Variants in ANXA8 observed in about 807,000 individuals in gnomAD.
ANXA8 encodes annexin A8, also known as VAC-beta.
A neutral mutation model predicts 26.8 loss-of-function variants in ANXA8; 9 were observed. The ratio of observed to expected loss-of-function variants is 0.34; its 90% CI spans 0.20 to 0.59. ANXA8 has a LOEUF of 0.59. ANXA8 is among the 20% of genes least tolerant of loss of function. The pLI, the probability that ANXA8 is intolerant of heterozygous loss-of-function variation, is 0.84. For missense variants in ANXA8, 83 were observed against 238.5 expected (o/e 0.35, Z 4.29); for synonymous variants, 39 against 94.8 (o/e 0.41, Z 3.42).
chr10:47,633,863 G>A, the ANXA8 span, among the ~76,000 whole-genome samples: 3 of 147,668 alleles, frequency 2.0e-5, no homozygotes, highest in Non-Finnish European at 3.0e-5. Flanking sequence ...CCCAGTTAAT[G>A]TAGCTTAATT....
At chr10:47,699,014 C>T in the ANXA8 span, among the ~76,000 whole-genome samples, 1 of 151,712 alleles carries the variant, frequency 6.6e-6, no homozygotes, top group South Asian at 2.1e-4. Flanking sequence ...TGCAACTATT[C>T]ATCTTATACT....
chr10:47,652,842 A>G, the ANXA8 span, among the ~76,000 whole-genome samples: 2 of 148,850 alleles, frequency 1.3e-5, no homozygotes, highest in Non-Finnish European at 2.9e-5. Context: ...CAGCATATCA[A>G]TTGAAGGGTT....
chr10:47,656,425 C>T, the ANXA8 span, among the ~76,000 whole-genome samples: 1 of 147,434 alleles, frequency 6.8e-6, no homozygotes, highest in Non-Finnish European at 1.5e-5. Context: ...CAAAAAACAA[C>T]ATTTTATTTT....
the ANXA8 span, chr10:47,599,810 G>C: frequency 6.7e-6 from 1 of 149,826 alleles, no homozygotes; most frequent in African/African-American, 2.5e-5. Context: ...ACAATCTCAG[G>C]GGACGTTCAA....
chr10:47,522,288 G>C, the ANXA8 span, among the ~76,000 whole-genome samples: 1 of 145,210 alleles, frequency 6.9e-6, no homozygotes, highest in Admixed American at 6.9e-5. Flanking sequence ...CTCTCTTTTA[G>C]AACAAGGAGG....
the ANXA8 span, among the ~76,000 whole-genome samples, chr10:47,702,944 T>G: frequency 6.7e-6 from 1 of 150,010 alleles, no homozygotes; most frequent in South Asian, 2.1e-4. Flanking sequence ...AACATAGTTC[T>G]CTAATGAAAG....
chr10:47,587,168 C>T, the ANXA8 span, among the ~76,000 whole-genome samples: 17 of 145,144 alleles, frequency 1.2e-4, no homozygotes, highest in Admixed American at 6.8e-4. Context: ...CATGCCATTG[C>T]ACTCCAACCT....
At chr10:47,521,487 G>T in the ANXA8 span, among the ~76,000 whole-genome samples, 2 of 139,888 alleles carry the variant, frequency 1.4e-5, 1 homozygote, top group Non-Finnish European at 3.1e-5. Flanking sequence ...AAAATTAAGA[G>T]CCCAACCAAA....
chr10:47,902,133 T>A, the ANXA8 span, among the ~76,000 whole-genome samples: 2 of 151,902 alleles, frequency 1.3e-5, no homozygotes, highest in African/African-American at 4.8e-5. Context: ...CTTGGTAGCC[T>A]GTTAATATCA....
chr10:47,622,658 AG>A, the ANXA8 span, among the ~76,000 whole-genome samples: 1 of 90,524 alleles, frequency 1.1e-5, no homozygotes, highest in East Asian at 2.3e-4. Flanking sequence ...ACCTTGGTTT[AG>A]TCTAGTGCCT....
chr10:47,679,555 C>A, the ANXA8 span, among the ~76,000 whole-genome samples: 1 of 151,924 alleles, frequency 6.6e-6, no homozygotes, highest in Non-Finnish European at 1.5e-5. Flanking sequence ...GTCAAGGCTG[C>A]GGTAAGCCAT....
the ANXA8 span, among the ~76,000 whole-genome samples, chr10:47,655,851 T>A: frequency 1.3e-5 from 2 of 151,718 alleles, no homozygotes; most frequent in Non-Finnish European, 2.9e-5. Flanking sequence ...AGAAACTCCA[T>A]CCCTATTAAA....
the ANXA8 span, among the ~76,000 whole-genome samples, chr10:47,973,815 C>T: frequency 2.0e-5 from 3 of 151,084 alleles, no homozygotes; most frequent in Admixed American, 1.3e-4. Flanking sequence ...AAAAGCAGAA[C>T]CTAAAGAGGT....
chr10:47,704,531 A>G, the ANXA8 span, among the ~76,000 whole-genome samples: 3 of 149,712 alleles, frequency 2.0e-5, no homozygotes, highest in South Asian at 4.3e-4. Context: ...TCAACACCAT[A>G]TTAGAGTTAT....
chr10:47,489,432 T>C, the ANXA8 span, among the ~76,000 whole-genome samples: 4 of 150,662 alleles, frequency 2.7e-5, no homozygotes, highest in South Asian at 6.5e-4. Flanking sequence ...CTGTGGCCTC[T>C]GATGAGCATA....
the ANXA8 span, chr10:47,490,156 G>A: frequency 5.1e-6 from 1 of 196,384 alleles, no homozygotes; most frequent in Non-Finnish European, 1.1e-5. Context: ...CTAAGACCAG[G>A]TCTCTCAAAG....
At chr10:47,653,071 G>A in the ANXA8 span, among the ~76,000 whole-genome samples, 1 of 150,810 alleles carries the variant, frequency 6.6e-6, no homozygotes, top group African/African-American at 2.5e-5. Context: ...CAGCACTTTG[G>A]GAGGCCAAGG....
At chr10:47,705,903 T>C in the ANXA8 span, among the ~76,000 whole-genome samples, 1 of 149,634 alleles carries the variant, frequency 6.7e-6, no homozygotes, top group South Asian at 2.1e-4. Flanking sequence ...AAGTAAAACG[T>C]CGCCCCGACG....
At chr10:47,707,185 C>CA in the ANXA8 span, among the ~76,000 whole-genome samples, 44 of 135,422 alleles carry the variant, frequency 3.2e-4, 2 homozygotes, top group African/African-American at 5.9e-4. Flanking sequence ...CAAAAAAAAA[C>CA]AAAAAAAAGA....
Sources: gnomAD v4.1 joint callset for allele counts (sites outside exome capture counted in the v4.1 genomes callset) on GRCh38, gnomAD v4.1.1 for gene constraint, MANE v1.5 for transcripts, NCBI Gene and HGNC (gene_info 2026-07-23, HGNC 2026-07-21) for gene names.